RTF1: variants seen among roughly 807,000 people sequenced by gnomAD.
RTF1 encodes RTF1 homolog, Paf1/RNA polymerase II complex component.
In RTF1, 10 loss-of-function variants were observed where a neutral mutation model predicts 95.7. The ratio of observed to expected loss-of-function variants is 0.10; its 90% CI spans 0.06 to 0.18. The LOEUF is 0.18. Among genes scored for constraint, RTF1 ranks in the 10% least tolerant of loss-of-function variants. The pLI is 1.00. For missense variants in RTF1, 458 were observed against 875.6 expected (o/e 0.52, Z 6.02); for synonymous variants, 305 against 311.8 (o/e 0.98, Z 0.23).
chr15:41,444,910 C>G (rs933649636), intron 2 of RTF1, among the ~76,000 whole-genome samples: 1 of 151,712 alleles, frequency 6.6e-6, no homozygotes, highest in African/African-American at 2.4e-5. Flanking sequence ...TGCTCATGAG[C>G]TTTATTTTTA....
intron 2 of RTF1, among the ~76,000 whole-genome samples, chr15:41,448,432 C>T (rs1316555378): frequency 1.3e-5 from 2 of 151,988 alleles, no homozygotes; most frequent in African/African-American, 2.4e-5. Flanking sequence ...TTTGGGAGGC[C>T]GAGGCAGGCA....
chr15:41,439,178 C>T (rs1289117055), intron 2 of RTF1, among the ~76,000 whole-genome samples: 2 of 151,536 alleles, frequency 1.3e-5, no homozygotes, highest in Non-Finnish European at 2.9e-5. Flanking sequence ...ACTACAGGCA[C>T]CCGCCACCAG....
intron 4 of RTF1, among the ~76,000 whole-genome samples, chr15:41,462,567 G>A (rs559502969): frequency 1.3e-5 from 2 of 152,084 alleles, no homozygotes; most frequent in Non-Finnish European, 2.9e-5. Flanking sequence ...AAATAACTTT[G>A]TTTAAAATAA....
intron 16 of RTF1, 73 bp from the exon 17 acceptor site, chr15:41,480,141 G>T: frequency 4.2e-6 from 4 of 941,818 alleles, no homozygotes; most frequent in Non-Finnish European, 6.9e-6. Context: ...GCTTCGTACC[G>T]TTAGTGGCTG....
Position 41,480,890 on chromosome 15 carries a change from C to T in RTF1, c.*203C>T, listed in dbSNP as rs1039997355. 1 of 580,426 alleles carries T rather than the reference C, an allele frequency of 1.7e-6. No homozygotes were observed. Among genetic ancestry groups the T allele is most frequent in the Non-Finnish European group, 3.1e-6 (1 of 324,324 alleles). 36.0% of individuals were successfully genotyped at this position (580,426 alleles called of 1,614,324 possible). On this transcript the variant is annotated 3_prime_UTR_variant, in exon 18 of 18. Transcript: ENST00000389629. ...CCATCTCCCACCAGCCTCCCCTCCC[C>T]CAGGGCCCCACCCAGTGTGGGCCTG...
chr15:41,419,188 A>G (rs1478119145), intron 1 of RTF1, among the ~76,000 whole-genome samples: 1 of 152,242 alleles, frequency 6.6e-6, no homozygotes, highest in Non-Finnish European at 1.5e-5. Context: ...TAGACTGGCA[A>G]TTAGAAGGAG....
chr15:41,417,265 G>T lies in RTF1; in HGVS notation c.150G>T (p.Val50=). 8.0e-7 allele frequency: 1 copy of T among 1,252,206 alleles called. No homozygotes were observed. The highest frequency in any genetic ancestry group is 1.0e-6 in the Non-Finnish European group (1 of 990,516). 77.6% of individuals were successfully genotyped at this position (1,252,206 alleles called of 1,614,324 possible). A position where few individuals can be genotyped will look rare whatever the true frequency, so the allele number is the denominator to read the frequency against. The change falls in exon 1 of 18, where the codon GTG becomes GTT. Residue 50 remains valine (V), a synonymous_variant. Transcript: ENST00000389629. ...TMVKKRKGRV[V]IDSDTEDSGS... ...TAAAGAAGCGGAAAGGCCGCGTCGT[G>T]ATCGACTCGGACACAGAGGACAGCG...
At chr15:41,479,771 G>A (rs751228785) in intron 16 of RTF1, among the ~76,000 whole-genome samples, 104 of 150,988 alleles carry the variant, frequency 6.9e-4, no homozygotes, top group Non-Finnish European at 1.2e-3. Flanking sequence ...GCTGAGGCAG[G>A]AAAATCGCGT....
intron 6 of RTF1, among the ~76,000 whole-genome samples, chr15:41,468,397 A>G (rs1308384195): frequency 1.3e-5 from 2 of 151,660 alleles, no homozygotes; most frequent in Non-Finnish European, 2.9e-5. Context: ...GGCTCACTGC[A>G]AGCTCCGCCT....
chr15:41,448,275 A>G lies in RTF1; in HGVS notation c.310-4626A>G, dbSNP rs944391478. 2.8e-4 allele frequency among the ~76,000 whole-genome samples: 42 copies of G among 152,270 alleles called. 1 individual carries two copies. The highest frequency in any genetic ancestry group is 9.9e-4 in the African/African-American group (41 of 41,552). Reference sequence around the variant, plus strand: ...ATTTGTGTCTCTTTCCCTGAATTAAATAAGAATAATACTGAGACTGGCTTC... The same window carrying G: ...ATTTGTGTCTCTTTCCCTGAATTAAGTAAGAATAATACTGAGACTGGCTTC... On this transcript the variant is annotated intron_variant, in intron 2 of 17. Transcript: ENST00000389629.
chr15:41,422,342 C>T (rs2050606827), intron 1 of RTF1, among the ~76,000 whole-genome samples: 1 of 152,156 alleles, frequency 6.6e-6, no homozygotes, highest in African/African-American at 2.4e-5. Context: ...GAAAGCTTTT[C>T]TTTTAGCATT....
Position 41,481,259 on chromosome 15 carries a change from T to C in RTF1, c.*572T>C. 1 of 142,688 alleles carries C rather than the reference T, an allele frequency of 7.0e-6. No homozygotes were observed. The highest frequency in any genetic ancestry group is 2.4e-4 in the South Asian group (1 of 4,118). 8.8% of individuals were successfully genotyped at this position (142,688 alleles called of 1,614,324 possible). A position where few individuals can be genotyped will look rare whatever the true frequency, so the allele number is the denominator to read the frequency against. On this transcript the variant is annotated 3_prime_UTR_variant, in exon 18 of 18. Transcript: ENST00000389629. Reference sequence around the variant, plus strand: ...TGTACATTTGTGGGGGGGGGGGGTCTAATTTGAGAGCGAGAGTGTGTATGT... The same window carrying C: ...TGTACATTTGTGGGGGGGGGGGGTCCAATTTGAGAGCGAGAGTGTGTATGT...
Position 41,442,826 on chromosome 15 carries a change from C to G in RTF1, c.309+4395C>G, listed in dbSNP as rs535854384. On this transcript the variant is annotated intron_variant, in intron 2 of 17. Coordinates refer to ENST00000389629, the MANE Select transcript of RTF1 (RefSeq NM_015138.5). ...GCTTGAGCCCAGAAGGCAGAGGTTGCAGTGGGCCGAGAACGCTCCACTATA... is the reference window on the plus strand; with the variant it reads ...GCTTGAGCCCAGAAGGCAGAGGTTGGAGTGGGCCGAGAACGCTCCACTATA... Among the ~76,000 whole-genome samples, 4 of 152,236 alleles carry G rather than the reference C, an allele frequency of 2.6e-5. No homozygotes were observed. The South Asian group carries it at 8.3e-4, about 32-fold the overall frequency.
At chr15:41,472,675 G>A (rs140021954) in intron 8 of RTF1, among the ~76,000 whole-genome samples, 4,227 of 150,244 alleles carry the variant, frequency 0.028, 78 homozygotes, top group Non-Finnish European at 0.039. Context: ...GCGCCACCAC[G>A]CCTGGCTGAT....
intron 16 of RTF1, 86 bp from the exon 17 acceptor site, chr15:41,480,128 A>C: frequency 2.7e-5 from 22 of 827,866 alleles, no homozygotes; most frequent in Non-Finnish European, 3.7e-5. Context: ...AACTCAAATA[A>C]GAGCTTCGTA....
At chr15:41,441,416 T>C (rs1394652168) in intron 2 of RTF1, among the ~76,000 whole-genome samples, 1 of 152,202 alleles carries the variant, frequency 6.6e-6, no homozygotes, top group African/African-American at 2.4e-5. Flanking sequence ...GTCTCTGGTA[T>C]TCCTTAAGAT....
intron 8 of RTF1, among the ~76,000 whole-genome samples, chr15:41,473,116 G>A (rs898650604): frequency 6.6e-6 from 1 of 151,986 alleles, no homozygotes; most frequent in Non-Finnish European, 1.5e-5. Flanking sequence ...AAAGTGCTTG[G>A]TGTTGGTTTT....
At chr15:41,468,041 T>G (rs2050889095) in intron 6 of RTF1, among the ~76,000 whole-genome samples, 1 of 151,800 alleles carries the variant, frequency 6.6e-6, no homozygotes, top group Non-Finnish European at 1.5e-5. Context: ...AGCACATGCC[T>G]GTAATCCCAG....
chr15:41,477,293 T>TA lies in RTF1; in HGVS notation c.1682+8dup, dbSNP rs765164373. 6.2e-7 allele frequency: 1 copy of TA among 1,614,204 alleles called. No homozygotes were observed. Among genetic ancestry groups the TA allele is most frequent in the East Asian group, 2.2e-5 (1 of 44,884 alleles). On this transcript the variant is annotated splice_region_variant and intron_variant, in intron 13 of 17. Coordinates refer to ENST00000389629, the MANE Select transcript of RTF1 (RefSeq NM_015138.5). ...AGAACATATCCGCTATCAGGTGTGTTATGGAGCCTATTTTTGGCCCGCAGA... is the reference window on the plus strand; with the variant it reads ...AGAACATATCCGCTATCAGGTGTGTTAATGGAGCCTATTTTTGGCCCGCAGA...
Sources: gnomAD v4.1 joint callset for allele counts (sites outside exome capture counted in the v4.1 genomes callset) on GRCh38, gnomAD v4.1.1 for gene constraint, MANE v1.5 for transcripts, NCBI Gene and HGNC (gene_info 2026-07-23, HGNC 2026-07-21) for gene names.